CLPB: variants seen among roughly 807,000 people sequenced by gnomAD.
The protein encoded by CLPB is mitochondrial disaggregase.
A neutral mutation model predicts 78.4 loss-of-function variants in CLPB; 40 were observed. The observed-to-expected ratio is 0.51, with a 90% confidence interval of 0.40 to 0.66. The LOEUF is 0.66. Ranked by LOEUF, CLPB falls within the 30% of genes least tolerant of loss-of-function variation. CLPB has a pLI of 0.00. For synonymous variants in CLPB, 333 were observed against 348.0 expected (o/e 0.96, Z 0.48); for missense variants, 780 against 886.9 (o/e 0.88, Z 1.53).
intron 2 of CLPB, among the ~76,000 whole-genome samples, chr11:72,416,652 C>A (rs1361283555): frequency 6.7e-6 from 1 of 149,290 alleles, no homozygotes; most frequent in African/African-American, 2.5e-5. Flanking sequence ...AGAAGAATCG[C>A]TTGAACCCGG....
intron 4 of CLPB, among the ~76,000 whole-genome samples, chr11:72,366,547 AAAC>A (rs1950946440): frequency 6.6e-6 from 1 of 152,172 alleles, no homozygotes; most frequent in Non-Finnish European, 1.5e-5. Context: ...TAAGGAACTT[AAAC>A]AACTCAACAA....
chr11:72,286,648 G>GTACTT lies in CLPB; in HGVS notation c.*6714_*6718dup, dbSNP rs1565413817. On this transcript the variant is annotated 3_prime_UTR_variant, in exon 16 of 16. Transcript: ENST00000538039. ...GTGCCACTATGTCCGGCTAATTTTT[G>GTACTT]TACTTTAATAAAGAGGGGTTTCACC... The GTACTT allele has an allele frequency of 6.6e-6, 1 of 152,020 alleles. No homozygotes were observed. Among genetic ancestry groups the GTACTT allele is most frequent in the African/African-American group, 2.4e-5 (1 of 41,416 alleles). 9.4% of individuals were successfully genotyped at this position (152,020 alleles called of 1,614,324 possible). A position where few individuals can be genotyped will look rare whatever the true frequency, so the allele number is the denominator to read the frequency against.
At chr11:72,377,571 T>C (rs1854747597) in intron 4 of CLPB, among the ~76,000 whole-genome samples, 1 of 148,974 alleles carries the variant, frequency 6.7e-6, no homozygotes, top group Non-Finnish European at 1.5e-5. Flanking sequence ...ATGTAGGCTG[T>C]CTGGCATAAG....
chr11:72,301,885 C>A lies in CLPB; in HGVS notation c.1247G>T (p.Cys416Phe), dbSNP rs559592563. 2.5e-5 allele frequency: 41 copies of A among 1,614,040 alleles called. 1 individual carries two copies. The South Asian group carries it at 4.2e-4, about 16-fold the overall frequency. ...GGQLTKKLKQ[C>F]PNAVVLFDEV... is the part of the protein sequence containing the mutation. ...ATCAAAGAGCACCACAGCATTGGGG[C>A]ACTGCTTCAACTTCTTGGTCAGCTG... Residue 416 changes from cysteine to phenylalanine, a missense_variant, in exon 11 of 16, where the codon TGC (cysteine) becomes TTC (phenylalanine). By Grantham distance (205) the Cys-to-Phe change is radical. This residue lies in a region of CLPB where 91 missense variants were observed against 168.2 expected (regional missense o/e 0.54). Transcript: ENST00000538039.
chr11:72,394,027 T>C (rs1377998410), intron 3 of CLPB, among the ~76,000 whole-genome samples: 2 of 152,338 alleles, frequency 1.3e-5, no homozygotes, highest in Middle Eastern at 6.8e-3. Context: ...CACTCAAGCC[T>C]GCTCTCTAGT....
rs1041843463 is a variant in CLPB, at chr11:72,287,137, T to C, written c.*6230A>G. On this transcript the variant is annotated 3_prime_UTR_variant, in exon 16 of 16. Transcript: ENST00000538039. ...TATGGCCATAGGTGAGATTAGGCTA[T>C]AGCATTCTTTCTGGCACTTTATCAG... 2.6e-5 allele frequency: 4 copies of C among 152,190 alleles called. No individual in the cohort carries two copies. The highest frequency in any genetic ancestry group is 9.6e-5 in the African/African-American group (4 of 41,452). The allele number at this position is 152,190 out of a possible 1,614,324, so 9.4% of individuals were successfully genotyped here. A position where few individuals can be genotyped will look rare whatever the true frequency, so the allele number is the denominator to read the frequency against.
At chr11:72,427,960 G>A (rs1258051556) in intron 2 of CLPB, among the ~76,000 whole-genome samples, 2 of 152,176 alleles carry the variant, frequency 1.3e-5, no homozygotes, top group African/African-American at 4.8e-5. Flanking sequence ...GGTACAGAAA[G>A]GCTGAATAAG....
At chr11:72,295,736 GCC>G in intron 11 of CLPB, 88 bp from the exon 12 acceptor site, 3 of 1,343,892 alleles carry the variant, frequency 2.2e-6, no homozygotes, top group Non-Finnish European at 3.1e-6. Flanking sequence ...CCTTCAGGAG[GCC>G]TCCCCAGAGC....
intron 2 of CLPB, among the ~76,000 whole-genome samples, chr11:72,403,432 C>G: frequency 6.6e-6 from 1 of 152,190 alleles, no homozygotes; most frequent in Non-Finnish European, 1.5e-5. Flanking sequence ...CTCCCGGCTC[C>G]TTTGCCTATT....
rs1214175196 is a variant in CLPB at position 72,388,086 on chromosome 11, CAG to C, written c.543-7704_543-7703del. On this transcript the variant is annotated intron_variant, in intron 3 of 15. Transcript: ENST00000538039. ...GTTGCCCTTGGTCCCAGAGGGCAGA[CAG>C]TGGTCTAGCAGGGTGGGGAGAAGAG... Among the ~76,000 whole-genome samples the C allele has an allele frequency of 4.6e-5, 7 of 152,198 alleles. No homozygotes were observed. The East Asian group carries it at 1.4e-3, about 29-fold the overall frequency.
intron 3 of CLPB, among the ~76,000 whole-genome samples, chr11:72,398,747 T>C (rs1007269306): frequency 1.1e-4 from 16 of 152,324 alleles, no homozygotes; most frequent in Non-Finnish European, 1.6e-4. Context: ...ATGAGGCTTA[T>C]AGAGGGCTAA....
intron 5 of CLPB, among the ~76,000 whole-genome samples, chr11:72,330,421 T>A (rs1218876938): frequency 6.6e-6 from 1 of 152,226 alleles, no homozygotes; most frequent in Non-Finnish European, 1.5e-5. Context: ...TTCCTGTGAC[T>A]TAAGGACAAA....
At chr11:72,373,822 G>A (rs919351987) in intron 4 of CLPB, among the ~76,000 whole-genome samples, 4 of 151,884 alleles carry the variant, frequency 2.6e-5, no homozygotes, top group South Asian at 2.1e-4. Flanking sequence ...TTAGCCGGGC[G>A]TGGTGGTGGC....
chr11:72,383,247 G>A (rs1370883510), intron 3 of CLPB, among the ~76,000 whole-genome samples: 4 of 151,990 alleles, frequency 2.6e-5, no homozygotes, highest in African/African-American at 9.7e-5. Context: ...AAGACAGGCT[G>A]GGTGCGGTGG....
intron 2 of CLPB, among the ~76,000 whole-genome samples, chr11:72,405,163 G>C (rs1855673556): frequency 6.6e-6 from 1 of 152,330 alleles, no homozygotes; most frequent in African/African-American, 2.4e-5. Flanking sequence ...GAAGAGTTTA[G>C]AGAAGTGGAA....
chr11:72,404,714 C>T (rs80018947), intron 2 of CLPB, among the ~76,000 whole-genome samples: 6,052 of 152,176 alleles, frequency 0.04, 186 homozygotes, highest in Middle Eastern at 0.071. Flanking sequence ...TCCAGGTAGA[C>T]GCAGTCCTCT....
chr11:72,364,015 C>T (rs1476458684), intron 4 of CLPB, among the ~76,000 whole-genome samples: 1 of 152,178 alleles, frequency 6.6e-6, no homozygotes, highest in Admixed American at 6.5e-5. Context: ...TGCCACTGCT[C>T]AGGAATGGCA....
At chr11:72,401,211 G>A (rs770169367) in intron 3 of CLPB, among the ~76,000 whole-genome samples, 41 of 152,134 alleles carry the variant, frequency 2.7e-4, no homozygotes, top group Non-Finnish European at 3.5e-4. Context: ...AGGCCAAGGC[G>A]GGTGGATCAC....
At chr11:72,374,787 T>C (rs904082133) in intron 4 of CLPB, among the ~76,000 whole-genome samples, 3 of 152,250 alleles carry the variant, frequency 2.0e-5, no homozygotes, top group Non-Finnish European at 2.9e-5. Context: ...TCCTTTTTCC[T>C]GCTCACACCT....
Sources: allele counts gnomAD v4.1 joint callset (sites outside exome capture counted in the v4.1 genomes callset), GRCh38; gene constraint gnomAD v4.1.1; regional missense constraint gnomAD v4.1.1; transcripts MANE v1.5; gene names NCBI Gene and HGNC (gene_info 2026-07-23, HGNC 2026-07-21).